Variants in TRPM6 observed in about 807,000 individuals in gnomAD.
TRPM6 encodes transient receptor potential cation channel subfamily M member 6.
In TRPM6, 111 loss-of-function variants were observed where a neutral mutation model predicts 247.6. That is an observed-to-expected ratio of 0.45 (90% CI 0.38 to 0.52). TRPM6 has a LOEUF of 0.52. Among genes scored for constraint, TRPM6 ranks in the 20% least tolerant of loss-of-function variants. TRPM6 has a pLI of 0.00. For missense variants in TRPM6, 2,126 were observed against 2,421.5 expected, an observed-to-expected ratio of 0.88 and a Z score of 2.56; for synonymous variants, 892 against 853.8, an observed-to-expected ratio of 1.04 and a Z score of -0.78.
intron 37 of TRPM6, among the ~76,000 whole-genome samples, chr9:74,729,525 G>A (rs904645160): frequency 1.3e-4 from 20 of 152,172 alleles, no homozygotes; most frequent in Non-Finnish European, 2.9e-5. Context: ...AAGACAAAGT[G>A]AACAGACACA....
chr9:74,771,602 C>G (rs1395275674), intron 25 of TRPM6, 101 bp downstream of exon 25: 12 of 1,205,252 alleles, frequency 1.0e-5, no homozygotes, highest in Non-Finnish European at 1.4e-5. Context: ...ATAAAGAACT[C>G]AAACCTCTGG....
intron 37 of TRPM6, among the ~76,000 whole-genome samples, chr9:74,730,428 G>A (rs1364531712): frequency 6.6e-6 from 1 of 152,116 alleles, no homozygotes; most frequent in Non-Finnish European, 1.5e-5. Context: ...TCCTTTCATT[G>A]ACCCCTTCTC....
At chr9:74,871,580 C>T (rs1323349204) in intron 1 of TRPM6, among the ~76,000 whole-genome samples, 1 of 152,176 alleles carries the variant, frequency 6.6e-6, no homozygotes, top group Non-Finnish European at 1.5e-5. Context: ...ACACAACATA[C>T]ATACAGCATA....
rs567404846 is a variant in TRPM6, at chr9:74,865,419, C to A, written c.34-6671G>T. On this transcript the variant is annotated intron_variant, in intron 1 of 38. Coordinates refer to ENST00000360774, the MANE Select transcript of TRPM6 (RefSeq NM_017662.5). The stretch of plus-strand genomic sequence containing the variant: ...AAATGAAACATTTATAATTTCAGAT[C>A]TTGTTAAATCATTCTGATAAAAAGG... Among the ~76,000 whole-genome samples, 5 of 152,292 alleles carry A rather than the reference C, an allele frequency of 3.3e-5. No homozygotes were observed. In the East Asian group the frequency reaches 9.6e-4, roughly 29 times the overall value.
chr9:74,807,957 A>G, intron 14 of TRPM6, 77 bp downstream of exon 14: 1 of 1,557,546 alleles, frequency 6.4e-7, no homozygotes, highest in Non-Finnish European at 8.8e-7. Flanking sequence ...TTTTGTCTGA[A>G]CTTCCAAGGC....
intron 36 of TRPM6, among the ~76,000 whole-genome samples, chr9:74,734,982 G>A (rs1037228435): frequency 6.6e-6 from 1 of 152,298 alleles, no homozygotes; most frequent in South Asian, 2.1e-4. Context: ...GGAGGCCGAG[G>A]TAGGCGGATC....
intron 3 of TRPM6, among the ~76,000 whole-genome samples, chr9:74,852,011 G>T (rs952227134): frequency 2.0e-5 from 3 of 151,686 alleles, no homozygotes; most frequent in African/African-American, 7.3e-5. Flanking sequence ...GTACATGCCA[G>T]GAGGGGGGTA....
chr9:74,811,276 TAGAA>T (rs1828719530), intron 12 of TRPM6, among the ~76,000 whole-genome samples: 1 of 152,170 alleles, frequency 6.6e-6, no homozygotes, highest in Non-Finnish European at 1.5e-5. Context: ...TTTATAATAA[TAGAA>T]AAGAGTGGCT....
chr9:74,827,931 T>C lies in TRPM6; in HGVS notation c.688A>G (p.Thr230Ala), dbSNP rs1334324536. The change falls in exon 7 of 39, where the codon ACT becomes GCT. Residue 230 changes from threonine to alanine, a missense_variant. Around this residue, in one of 3 missense-constraint regions of TRPM6, gnomAD observed 1,082 missense variants for 1,307.9 expected, o/e 0.83. Transcript: ENST00000360774. Reference sequence around the variant, plus strand: ...AGCTTGCTGAGGGGGTTATCCAGAGTCTGGTACAGGCACACCACCTGAGAG... The same window carrying C: ...AGCTTGCTGAGGGGGTTATCCAGAGCCTGGTACAGGCACACCACCTGAGAG... Reference protein sequence around the residue: ...IGKDVVCLYQTLDNPLSKLTT... With the variant: ...IGKDVVCLYQALDNPLSKLTT... The C allele has an allele frequency of 1.2e-6, 2 of 1,613,828 alleles. No homozygotes were observed. Among genetic ancestry groups the C allele is most frequent in the Non-Finnish European group, 1.7e-6 (2 of 1,179,954 alleles).
chr9:74,781,536 CAAA>C (rs35938872), intron 23 of TRPM6, among the ~76,000 whole-genome samples: 1 of 93,554 alleles, frequency 1.1e-5, no homozygotes, highest in African/African-American at 4.3e-5. Flanking sequence ...GACTCTATCT[CAAA>C]AAAAAAAAAA....
intron 25 of TRPM6, among the ~76,000 whole-genome samples, chr9:74,764,339 G>T (rs1826756375): frequency 6.6e-6 from 1 of 152,116 alleles, no homozygotes; most frequent in Admixed American, 6.5e-5. Flanking sequence ...TCATCAGGCT[G>T]AATCCTAATC....
intron 18 of TRPM6, among the ~76,000 whole-genome samples, chr9:74,793,858 A>G (rs1171815306): frequency 6.6e-6 from 1 of 152,186 alleles, no homozygotes; most frequent in Non-Finnish European, 1.5e-5. Flanking sequence ...TCAACTACCA[A>G]AAAGGTATGT....
At position 74,796,822 on chromosome 9, in the gene TRPM6, A is replaced by G; in HGVS notation, c.2310T>C (p.His770=). 1 of 1,613,964 alleles carries G rather than the reference A, an allele frequency of 6.2e-7. No individual in the cohort carries two copies. Among genetic ancestry groups the G allele is most frequent in the Non-Finnish European group, 8.5e-7 (1 of 1,179,814 alleles). Residue 770 remains histidine, a synonymous_variant, in exon 18 of 39, where the codon CAT becomes CAC. Coordinates refer to ENST00000360774, the MANE Select transcript of TRPM6 (RefSeq NM_017662.5). ...ATTGGAAGTCCTGGGACTGGGGAAC[A>G]TGTGACATCTCAGCTTTGCTTTTAA... is the stretch of plus-strand genomic sequence containing the variant. The part of the protein sequence containing the change: ...LEFKSKAEMS[H]VPQSQDFQFM...
chr9:74,812,289 C>G lies in TRPM6; in HGVS notation c.1443+10G>C, dbSNP rs374454002. Reference sequence around the variant, plus strand: ...GGAGGGAAATGATTGATGAAATGTTCCATACTCACTGTATTGTAGAGCTCT... The same window carrying G: ...GGAGGGAAATGATTGATGAAATGTTGCATACTCACTGTATTGTAGAGCTCT... On this transcript the variant is annotated intron_variant, in intron 12 of 38. Transcript: ENST00000360774. 8 of 1,613,270 alleles carry G rather than the reference C, an allele frequency of 5.0e-6. No individual in the cohort carries two copies. The East Asian group carries it at 1.8e-4, about 36-fold the overall frequency.
rs879098864 is a variant in TRPM6 at position 74,750,805 on chromosome 9, C to T, written c.4999-83G>A. On this transcript the variant is annotated intron_variant, in intron 29 of 38. Coordinates refer to ENST00000360774, the MANE Select transcript of TRPM6 (RefSeq NM_017662.5). ...CTAGGAATGATCTGCCAAACACGCT[C>T]CTTGGAGAATCCTTCTTTTTTCTTC... is the stretch of plus-strand genomic sequence containing the variant. The T allele has an allele frequency of 9.0e-6, 11 of 1,221,590 alleles. No homozygotes were observed. In the South Asian group the frequency reaches 1.2e-4, roughly 13 times the overall value. 75.7% of individuals were successfully genotyped at this position (1,221,590 alleles called of 1,614,324 possible).
intron 23 of TRPM6, among the ~76,000 whole-genome samples, chr9:74,778,671 C>T (rs1163361658): frequency 6.6e-6 from 1 of 152,154 alleles, no homozygotes; most frequent in Non-Finnish European, 1.5e-5. Context: ...GTGGCCAAGC[C>T]AACCAGACCC....
chr9:74,727,809 G>A (rs979327812), intron 38 of TRPM6, among the ~76,000 whole-genome samples: 1 of 152,182 alleles, frequency 6.6e-6, no homozygotes, highest in Non-Finnish European at 1.5e-5. Flanking sequence ...AATTGAGGGT[G>A]TCATTTCCCT....
intron 7 of TRPM6, among the ~76,000 whole-genome samples, chr9:74,824,870 T>C (rs1376676099): frequency 6.6e-6 from 1 of 151,988 alleles, no homozygotes; most frequent in Non-Finnish European, 1.5e-5. Context: ...TACAGCAACT[T>C]TATAATGTGA....
chr9:74,792,822 T>A, intron 18 of TRPM6, 52 bp from the exon 19 acceptor site: 1 of 1,534,064 alleles, frequency 6.5e-7, no homozygotes, highest in South Asian at 1.1e-5. Flanking sequence ...ACTAAAATAG[T>A]GACAAGCATG....
Sources: gnomAD v4.1 joint callset for allele counts (sites outside exome capture counted in the v4.1 genomes callset) on GRCh38, gnomAD v4.1.1 for gene constraint, gnomAD v4.1.1 regional missense constraint, MANE v1.5 for transcripts, NCBI Gene and HGNC (gene_info 2026-07-23, HGNC 2026-07-21) for gene names.